The following SLC44A5 variants were observed in gnomAD, a reference collection of about 807,000 sequenced individuals.
SLC44A5 encodes the protein solute carrier family 44 member 5, also known as choline transporter-like protein 5.
SLC44A5 carries 57 observed loss-of-function variants against 101.8 expected under a neutral mutation model. The observed-to-expected ratio is 0.56, with a 90% CI of 0.45 to 0.70. SLC44A5 has a LOEUF of 0.70. Among genes scored for constraint, SLC44A5 ranks in the 30% least tolerant of loss-of-function variants. The pLI, the probability that SLC44A5 is intolerant of heterozygous loss-of-function variation, is 0.00. For missense variants in SLC44A5, 737 were observed against 853.1 expected, an observed-to-expected ratio of 0.86 and a Z score of 1.70; for synonymous variants, 281 against 290.9, an observed-to-expected ratio of 0.97 and a Z score of 0.35.
At chr1:75,673,180 G>A in the SLC44A5 span, among the ~76,000 whole-genome samples, 1 of 152,106 alleles carries the variant, frequency 6.6e-6, no homozygotes, top group Admixed American at 6.5e-5. Context: ...TTGGATCCTG[G>A]ATGGCTTTTC....
intron 6 of SLC44A5, among the ~76,000 whole-genome samples, chr1:75,251,827 T>C (rs560697288): frequency 1.3e-5 from 2 of 152,338 alleles, no homozygotes; most frequent in East Asian, 3.9e-4. Flanking sequence ...ACTTTCTCTC[T>C]GCTGAAAATT....
At chr1:75,206,214 A>G (rs1168089200) in intron 23 of SLC44A5, 1 of 166,266 alleles carries the variant, frequency 6.0e-6, no homozygotes, top group Non-Finnish European at 1.3e-5. Context: ...TTAACTATAA[A>G]TCAATATTTT....
chr1:75,309,547 A>G (rs1482065380), intron 4 of SLC44A5, among the ~76,000 whole-genome samples: 1 of 152,268 alleles, frequency 6.6e-6, no homozygotes, highest in African/African-American at 2.4e-5. Context: ...GAAAAGCAGT[A>G]AATACAACAT....
intron 1 of SLC44A5, chr1:75,582,008 C>T (rs1220342826): frequency 1.3e-5 from 7 of 553,292 alleles, no homozygotes; most frequent in Non-Finnish European, 1.9e-5. Flanking sequence ...TACAGTAATG[C>T]AAACAGACCA....
At chr1:75,719,494 C>T in the SLC44A5 span, among the ~76,000 whole-genome samples, 2 of 152,074 alleles carry the variant, frequency 1.3e-5, no homozygotes, top group Admixed American at 6.5e-5. Context: ...GATTCTAGCC[C>T]TGACCACTGC....
intron 2 of SLC44A5, among the ~76,000 whole-genome samples, chr1:75,538,772 G>T (rs1364375366): frequency 6.6e-6 from 1 of 152,166 alleles, no homozygotes; most frequent in Admixed American, 6.5e-5. Flanking sequence ...AAAATTTATT[G>T]TTCCTCTTTG....
chr1:75,491,990 A>C (rs1231874742), intron 2 of SLC44A5, among the ~76,000 whole-genome samples: 1 of 152,104 alleles, frequency 6.6e-6, no homozygotes, highest in Non-Finnish European at 1.5e-5. Context: ...AATTTATTTT[A>C]GTGACTTCAA....
chr1:75,333,299 C>T (rs991777715), intron 4 of SLC44A5, among the ~76,000 whole-genome samples: 2 of 152,164 alleles, frequency 1.3e-5, no homozygotes, highest in African/African-American at 4.8e-5. Flanking sequence ...TGCTCTAAAT[C>T]TGGCATTTAC....
intron 2 of SLC44A5, among the ~76,000 whole-genome samples, chr1:75,473,112 C>T (rs573280511): frequency 1.3e-4 from 20 of 152,288 alleles, no homozygotes; most frequent in African/African-American, 4.6e-4. Flanking sequence ...AGAATGTCAT[C>T]GGAACTTCCT....
At chr1:75,268,170 G>A (rs1446565246) in intron 6 of SLC44A5, among the ~76,000 whole-genome samples, 1 of 152,016 alleles carries the variant, frequency 6.6e-6, no homozygotes, top group Non-Finnish European at 1.5e-5. Context: ...TCCTTCTAGT[G>A]CTAGTCCTGG....
In SLC44A5 at chr1:75,611,037, C is replaced by T. The variant is rs1292489978; in HGVS notation, c.-70+3G>A. 4.1e-6 allele frequency: 4 copies of T among 984,672 alleles called. No individual in the cohort carries two copies. The highest frequency in any genetic ancestry group is 4.7e-5 in the South Asian group (1 of 21,288). The allele number at this position is 984,672 out of a possible 1,614,324, so 61.0% of individuals were successfully genotyped here. A position where few individuals can be genotyped will look rare whatever the true frequency, so the allele number is the denominator to read the frequency against. On this transcript the variant is annotated splice_donor_region_variant and intron_variant, in intron 1 of 23. Transcript: ENST00000370859. ...ACTTCTTGCATTTAGCAGTATCACT[C>T]ACCTCTTACTCCATCATTTCTTCAA...
chr1:75,206,653 C>T, intron 23 of SLC44A5: 2 of 1,613,200 alleles, frequency 1.2e-6, no homozygotes, highest in Non-Finnish European at 1.7e-6. Flanking sequence ...GATCAGAATT[C>T]CATGCAGGTT....
At chr1:75,487,897 C>T (rs1044146849) in intron 2 of SLC44A5, among the ~76,000 whole-genome samples, 7 of 152,180 alleles carry the variant, frequency 4.6e-5, no homozygotes, top group African/African-American at 1.7e-4. Context: ...GAAGCTTCAT[C>T]TGTATTTATA....
At chr1:75,264,173 G>T (rs1650793258) in intron 6 of SLC44A5, among the ~76,000 whole-genome samples, 2 of 149,128 alleles carry the variant, frequency 1.3e-5, no homozygotes, top group Admixed American at 6.7e-5. Flanking sequence ...CATTTTCAGA[G>T]CCTGGAACCT....
the SLC44A5 span, among the ~76,000 whole-genome samples, chr1:75,628,697 AG>A: frequency 6.6e-6 from 1 of 152,228 alleles, no homozygotes; most frequent in East Asian, 1.9e-4. Flanking sequence ...AAAAAATTGT[AG>A]CCATCAAAGA....
intron 3 of SLC44A5, among the ~76,000 whole-genome samples, chr1:75,392,262 C>G (rs865955613): frequency 1.3e-5 from 2 of 151,918 alleles, no homozygotes; most frequent in Admixed American, 6.6e-5. Context: ...ATATTAATAG[C>G]AAACTATGCA....
chr1:75,491,507 CA>C (rs1157674742), intron 2 of SLC44A5, among the ~76,000 whole-genome samples: 1 of 151,982 alleles, frequency 6.6e-6, no homozygotes, highest in African/African-American at 2.4e-5. Context: ...GAGCAGTATA[CA>C]TATAAGAAAC....
At chr1:75,373,256 CA>C (rs1660347682) in intron 3 of SLC44A5, among the ~76,000 whole-genome samples, 1 of 152,034 alleles carries the variant, frequency 6.6e-6, no homozygotes, top group South Asian at 2.1e-4. Flanking sequence ...AGGTGACAGA[CA>C]TTGTGGCTAA....
chr1:75,467,924 C>A (rs1666909818), intron 2 of SLC44A5, among the ~76,000 whole-genome samples: 1 of 95,636 alleles, frequency 1.0e-5, no homozygotes, highest in African/African-American at 4.5e-5. Context: ...TATTTGCAAA[C>A]AACCATACGA....
Sources: allele counts gnomAD v4.1 joint callset (sites outside exome capture counted in the v4.1 genomes callset), GRCh38; gene constraint gnomAD v4.1.1; transcripts MANE v1.5; gene names NCBI Gene and HGNC (gene_info 2026-07-23, HGNC 2026-07-21).